VPS13D: variants seen among roughly 807,000 people sequenced by gnomAD.
VPS13D encodes the protein vacuolar protein sorting 13 homolog D.
In VPS13D, 187 loss-of-function variants were observed where a neutral mutation model predicts 461.9. That is an observed-to-expected ratio of 0.40 (90% CI 0.36 to 0.46). The LOEUF (loss-of-function observed/expected upper bound fraction) is 0.46. Among genes scored for constraint, VPS13D ranks in the 20% least tolerant of loss-of-function variants. The probability of loss-of-function intolerance (pLI) is 0.60; values close to 1 mark genes in which losing one functional copy is unlikely to be tolerated. For synonymous variants in VPS13D, 1,951 were observed against 1,986.3 expected (o/e 0.98, Z 0.47); for missense variants, 4,711 against 5,364.9 (o/e 0.88, Z 3.81).
rs996577797 is a variant in VPS13D at position 12,497,583 on chromosome 1, A to T, written c.12746A>T (p.Glu4249Val). 4 of 1,614,074 alleles carry T rather than the reference A, an allele frequency of 2.5e-6. No homozygotes were observed. The highest frequency in any genetic ancestry group is 3.4e-6 in the Non-Finnish European group (4 of 1,179,988). ...LLPRYSESQA[E>V]GQEQLFKLTD... ...CCCCGATATTCTGAGAGCCAGGCGG[A>T]AGGACAGGAGCAGCTCTTCAAACTC... The change falls in exon 68 of 70, where the codon GAA becomes GTA. Residue 4249 changes from glutamate to valine, a missense_variant. By Grantham distance (121) the Glu-to-Val change is moderately radical (BLOSUM62 -2). Around this residue, in one of 3 missense-constraint regions of VPS13D, gnomAD observed 194 missense variants for 220.9 expected, o/e 0.88. Coordinates refer to ENST00000620676, the MANE Select transcript of VPS13D (RefSeq NM_015378.4).
chr1:12,413,689 C>G (rs1274897919), intron 63 of VPS13D, among the ~76,000 whole-genome samples: 2 of 152,084 alleles, frequency 1.3e-5, no homozygotes, highest in East Asian at 3.9e-4. Context: ...CCAGGCTGGT[C>G]TTGAACTTCT....
At position 12,373,734 on chromosome 1, in the gene VPS13D, A is replaced by AT; in HGVS notation, c.10809-10dup. 1.1e-5 allele frequency: 16 copies of AT among 1,409,902 alleles called. No homozygotes were observed. The highest frequency in any genetic ancestry group is 1.5e-5 in the Non-Finnish European group (16 of 1,079,506). 87.3% of individuals were successfully genotyped at this position (1,409,902 alleles called of 1,614,324 possible). On this transcript the variant is annotated splice_polypyrimidine_tract_variant and intron_variant, in intron 54 of 69. Coordinates refer to ENST00000620676, the MANE Select transcript of VPS13D (RefSeq NM_015378.4). The stretch of plus-strand genomic sequence containing the variant: ...ATATATATTTTTATGTAATATATAT[A>AT]TTTTTTAAATTCTAGCTTGCAGGAG...
intron 43 of VPS13D, 53 bp downstream of exon 43, chr1:12,345,562 G>A (rs2101583102): frequency 6.4e-7 from 1 of 1,574,090 alleles, no homozygotes; most frequent in East Asian, 2.3e-5. Flanking sequence ...GAAGTCAGAT[G>A]GTTAAGCCTG....
chr1:12,389,031 T>C (rs995873450), intron 60 of VPS13D, among the ~76,000 whole-genome samples: 5 of 152,310 alleles, frequency 3.3e-5, no homozygotes, highest in Middle Eastern at 3.4e-3. Context: ...GTTCCCACAA[T>C]AGGCTGTCTG....
intron 63 of VPS13D, among the ~76,000 whole-genome samples, chr1:12,408,995 A>C (rs1644689821): frequency 1.3e-5 from 2 of 151,948 alleles, no homozygotes; most frequent in South Asian, 4.1e-4. Flanking sequence ...ATCTCTTCTA[A>C]TTTTAGAAGC....
intron 49 of VPS13D, among the ~76,000 whole-genome samples, chr1:12,357,930 G>A (rs1409880604): frequency 6.8e-6 from 1 of 147,466 alleles, no homozygotes; most frequent in African/African-American, 2.4e-5. Context: ...CTTGAACCTG[G>A]GAGGCGGAGG....
intron 2 of VPS13D, among the ~76,000 whole-genome samples, chr1:12,238,654 G>T: frequency 6.8e-6 from 1 of 147,278 alleles, no homozygotes; most frequent in Non-Finnish European, 1.5e-5. Flanking sequence ...TTTTTTGAGA[G>T]GAAGTCTCAC....
rs35299447 is a variant in VPS13D at position 12,300,207 on chromosome 1, C to CTTTT, written c.6216+838_6216+841dup. Among the ~76,000 whole-genome samples the CTTTT allele has an allele frequency of 1.3e-4, 16 of 123,322 alleles. 1 individual carries two copies. In the South Asian group the frequency reaches 2.0e-3, roughly 16 times the overall value. 80.9% of individuals were successfully genotyped at this position (123,322 alleles called of 152,430 possible). A position where few individuals can be genotyped will look rare whatever the true frequency, so the allele number is the denominator to read the frequency against. On this transcript the variant is annotated intron_variant, in intron 25 of 69. Coordinates refer to ENST00000620676, the MANE Select transcript of VPS13D (RefSeq NM_015378.4). ...ATGAGAATGTGTGGCATTTGCTTTG[C>CTTTT]TTTTTTTTTTTTTTTTTTGAAACAG...
At chr1:12,328,748 C>T (rs1308298355) in intron 36 of VPS13D, among the ~76,000 whole-genome samples, 3 of 152,090 alleles carry the variant, frequency 2.0e-5, no homozygotes, top group Non-Finnish European at 4.4e-5. Flanking sequence ...CCATGTTGGT[C>T]AGGCCTGTCT....
intron 68 of VPS13D, chr1:12,500,024 A>G: frequency 1.0e-6 from 1 of 985,368 alleles, no homozygotes; most frequent in South Asian, 4.7e-5. Flanking sequence ...GTTCTGACTA[A>G]ATGTTTCCAC....
chr1:12,380,633 T>C (rs909223419), intron 57 of VPS13D, among the ~76,000 whole-genome samples: 1 of 152,214 alleles, frequency 6.6e-6, no homozygotes, highest in Non-Finnish European at 1.5e-5. Flanking sequence ...GGTTTGGACA[T>C]GCAGTAGACT....
intron 63 of VPS13D, among the ~76,000 whole-genome samples, chr1:12,404,784 C>A (rs1336545212): frequency 6.6e-6 from 1 of 152,112 alleles, no homozygotes; most frequent in African/African-American, 2.4e-5. Flanking sequence ...TCAGTCAAGG[C>A]TGTGTGGCTA....
intron 65 of VPS13D, among the ~76,000 whole-genome samples, chr1:12,448,841 T>C (rs1645226423): frequency 6.6e-6 from 1 of 152,228 alleles, no homozygotes; most frequent in South Asian, 2.1e-4. Context: ...GCTTCCAGAT[T>C]AATCTGAAAC....
intron 2 of VPS13D, among the ~76,000 whole-genome samples, chr1:12,234,754 C>T (rs1220725115): frequency 6.6e-6 from 1 of 152,140 alleles, no homozygotes. Flanking sequence ...AAATTCCAAG[C>T]CTCAGTTTCT....
At chr1:12,258,147 T>G in intron 10 of VPS13D, 44 bp downstream of exon 10, 1 of 1,602,044 alleles carries the variant, frequency 6.2e-7, no homozygotes, top group South Asian at 1.1e-5. Context: ...ATTCAGAAGA[T>G]AAGAATGTTC....
At chr1:12,446,732 A>T (rs1645197506) in intron 65 of VPS13D, among the ~76,000 whole-genome samples, 1 of 152,208 alleles carries the variant, frequency 6.6e-6, no homozygotes, top group Non-Finnish European at 1.5e-5. Context: ...TCCTTCAGGA[A>T]ATCATTCTCC....
At chr1:12,456,497 G>GCC (rs1214504406) in intron 66 of VPS13D, among the ~76,000 whole-genome samples, 5 of 152,010 alleles carry the variant, frequency 3.3e-5, no homozygotes, top group Admixed American at 2.0e-4. Context: ...AATTAGACAG[G>GCC]CGTGGTGGTA....
chr1:12,422,803 G>A (rs947372430), intron 65 of VPS13D, among the ~76,000 whole-genome samples: 2 of 151,258 alleles, frequency 1.3e-5, no homozygotes, highest in Non-Finnish European at 2.9e-5. Flanking sequence ...ACAGCTAGAG[G>A]TGACAGGGGT....
At chr1:12,399,240 A>G (rs1644540550) in intron 60 of VPS13D, among the ~76,000 whole-genome samples, 2 of 147,712 alleles carry the variant, frequency 1.4e-5, no homozygotes, top group Non-Finnish European at 3.0e-5. Flanking sequence ...TCTGTCACCC[A>G]GGCTGGAGTG....
Sources: allele counts gnomAD v4.1 joint callset (sites outside exome capture counted in the v4.1 genomes callset), GRCh38; gene constraint gnomAD v4.1.1; regional missense constraint gnomAD v4.1.1; transcripts MANE v1.5; gene names NCBI Gene and HGNC (gene_info 2026-07-23, HGNC 2026-07-21).